Variants in NDRG1 observed in about 807,000 individuals in gnomAD.
NDRG1 encodes the protein protein NDRG1.
In NDRG1, 32 loss-of-function variants were observed where a neutral mutation model predicts 56.9. The observed-to-expected ratio is 0.56, with a 90% confidence interval of 0.42 to 0.76. NDRG1 has a LOEUF of 0.76. NDRG1 is among the 30% of genes least tolerant of loss of function. The pLI, the probability that NDRG1 is intolerant of heterozygous loss-of-function variation, is 0.00. For synonymous variants in NDRG1, 211 were observed against 204.1 expected, an observed-to-expected ratio of 1.03 and a Z score of -0.29; for missense variants, 507 against 545.7, an observed-to-expected ratio of 0.93 and a Z score of 0.71.
Position 133,258,442 on chromosome 8 carries a change from C to A in NDRG1, c.390-16G>T, listed in dbSNP as rs754606638. 6.2e-7 allele frequency: 1 copy of A among 1,605,090 alleles called. No homozygotes were observed. The highest frequency in any genetic ancestry group is 8.5e-7 in the Non-Finnish European group (1 of 1,175,402). ...GCTTTTCAGCCTGGAAGCAAAAATA[C>A]AAATGCATGTCACACAAGGACAGAG... On this transcript the variant is annotated splice_polypyrimidine_tract_variant and intron_variant, in intron 6 of 15. Transcript: ENST00000323851.
intron 9 of NDRG1, among the ~76,000 whole-genome samples, chr8:133,252,077 G>C (rs964116487): frequency 1.3e-5 from 2 of 152,182 alleles, no homozygotes; most frequent in Non-Finnish European, 2.9e-5. Flanking sequence ...AGAGCTGTGA[G>C]AGAATACACT....
intron 3 of NDRG1, among the ~76,000 whole-genome samples, chr8:133,265,296 G>C (rs1467053101): frequency 6.6e-6 from 1 of 152,230 alleles, no homozygotes; most frequent in Non-Finnish European, 1.5e-5. Flanking sequence ...TTGGGGAACT[G>C]GATCGGACTT....
At position 133,250,512 on chromosome 8, in the gene NDRG1, T is replaced by C. The variant is rs1279503368; in HGVS notation, c.626A>G (p.His209Arg). 1 of 1,613,976 alleles carries C rather than the reference T, an allele frequency of 6.2e-7. No individual in the cohort carries two copies. The highest frequency in any genetic ancestry group is 2.2e-5 in the East Asian group (1 of 44,874). The part of the protein sequence containing the change: ...EEMQSNVEVV[H>R]TYRQHIVNDM... ...ATTCACAATGTGCTGGCGGTAGGTG[T>C]GGACCACTTCCACGTTACTCTGCAT... is the stretch of plus-strand genomic sequence containing the variant. The change falls in exon 10 of 16, where the codon CAC (histidine) becomes CGC (arginine). Residue 209 changes from histidine (H) to arginine (R), a missense_variant. Physicochemically the swap from His to Arg is conservative, Grantham distance 29. Coordinates refer to ENST00000323851, the MANE Select transcript of NDRG1 (RefSeq NM_006096.4).
At chr8:133,245,034 T>G (rs935470691) in intron 13 of NDRG1, among the ~76,000 whole-genome samples, 1 of 151,908 alleles carries the variant, frequency 6.6e-6, no homozygotes, top group Non-Finnish European at 1.5e-5. Flanking sequence ...CTGGAGGAGT[T>G]CATGGGAGTG....
In NDRG1 at chr8:133,256,748, C is replaced by T. The variant is rs779284552; in HGVS notation, c.537+29G>A. On this transcript the variant is annotated intron_variant, in intron 8 of 15. Coordinates refer to ENST00000323851, the MANE Select transcript of NDRG1 (RefSeq NM_006096.4). Reference sequence around the variant, plus strand: ...CACCTGTCCCTCTTCTTGCAGGGATCCCGCCGGCCTGACAGGCCCCCACCT... The same window carrying T: ...CACCTGTCCCTCTTCTTGCAGGGATTCCGCCGGCCTGACAGGCCCCCACCT... The T allele has an allele frequency of 3.1e-6, 5 of 1,610,426 alleles. No homozygotes were observed. In the South Asian group the frequency reaches 5.5e-5, roughly 18 times the overall value.
At chr8:133,278,361 C>T (rs528090770) in intron 3 of NDRG1, among the ~76,000 whole-genome samples, 3 of 152,290 alleles carry the variant, frequency 2.0e-5, no homozygotes, top group South Asian at 2.1e-4. Flanking sequence ...GAGTGACTTC[C>T]CCCTTTCTCT....
chr8:133,239,553 G>A (rs994775726), intron 15 of NDRG1: 1 of 232,838 alleles, frequency 4.3e-6, no homozygotes, highest in Non-Finnish European at 8.7e-6. Flanking sequence ...CAGTGGCCCT[G>A]CACATCACAG....
chr8:133,291,935 G>A (rs1463826246), intron 1 of NDRG1, among the ~76,000 whole-genome samples: 2 of 152,158 alleles, frequency 1.3e-5, no homozygotes, highest in African/African-American at 4.8e-5. Flanking sequence ...CAGCAAGAGT[G>A]TCCCAAACAC....
chr8:133,279,568 G>A (rs563995795), intron 3 of NDRG1, among the ~76,000 whole-genome samples: 75 of 152,344 alleles, frequency 4.9e-4, no homozygotes, highest in Non-Finnish European at 7.3e-4. Flanking sequence ...GTCCAGGAGT[G>A]CGCCTCTCCT....
chr8:133,284,312 G>T lies in NDRG1; in HGVS notation c.-1C>A. Reference sequence around the variant, plus strand: ...CTACATCCTGCATCTCCCGAGACATGTCCCTGCTGTCACCTGCCTGCAAGG... The same window carrying T: ...CTACATCCTGCATCTCCCGAGACATTTCCCTGCTGTCACCTGCCTGCAAGG... On this transcript the variant is annotated 5_prime_UTR_variant, in exon 2 of 16. Coordinates refer to ENST00000323851, the MANE Select transcript of NDRG1 (RefSeq NM_006096.4). 1 of 1,614,086 alleles carries T rather than the reference G, an allele frequency of 6.2e-7. No individual in the cohort carries two copies. Among genetic ancestry groups the T allele is most frequent in the Non-Finnish European group, 8.5e-7 (1 of 1,180,034 alleles).
intron 7 of NDRG1, among the ~76,000 whole-genome samples, chr8:133,257,466 G>T (rs1041433247): frequency 1.3e-5 from 2 of 152,184 alleles, no homozygotes; most frequent in Non-Finnish European, 2.9e-5. Context: ...AGGCTGTATA[G>T]AACAGCCCTT....
At chr8:133,270,449 C>T (rs1386446311) in intron 3 of NDRG1, among the ~76,000 whole-genome samples, 1 of 152,212 alleles carries the variant, frequency 6.6e-6, no homozygotes, top group African/African-American at 2.4e-5. Context: ...CCCTTCCTTA[C>T]TCACCTCCCT....
intron 3 of NDRG1, among the ~76,000 whole-genome samples, chr8:133,274,467 G>C (rs1857353594): frequency 6.6e-6 from 1 of 152,234 alleles, no homozygotes; most frequent in Non-Finnish European, 1.5e-5. Context: ...AAGCGACTCA[G>C]ACTCCTTAGA....
rs980642396 is a variant in NDRG1, at chr8:133,237,713, CAA to C, written c.*1163_*1164del. On this transcript the variant is annotated 3_prime_UTR_variant, in exon 16 of 16. Coordinates refer to ENST00000323851, the MANE Select transcript of NDRG1 (RefSeq NM_006096.4). ...GTTCCCACCCCCACCCCGACAAGAG[CAA>C]AGAGTTCTGAGGATCCAAGAACGTG... 21 of 228,718 alleles carry C rather than the reference CAA, an allele frequency of 9.2e-5. No homozygotes were observed. The highest frequency in any genetic ancestry group is 4.7e-4 in the Admixed American group (8 of 17,204). 14.2% of individuals were successfully genotyped at this position (228,718 alleles called of 1,614,324 possible).
intron 10 of NDRG1, among the ~76,000 whole-genome samples, chr8:133,249,886 C>T (rs757953509): frequency 6.6e-6 from 1 of 152,234 alleles, no homozygotes; most frequent in Non-Finnish European, 1.5e-5. Flanking sequence ...GCAGGTTGAG[C>T]GAGCTCCCTG....
At chr8:133,287,195 T>C (rs1171846537) in intron 1 of NDRG1, among the ~76,000 whole-genome samples, 1 of 152,154 alleles carries the variant, frequency 6.6e-6, no homozygotes, top group Non-Finnish European at 1.5e-5. Flanking sequence ...TTTTAAAATT[T>C]AAAAAGCCAA....
At chr8:133,253,339 A>G (rs1856178510) in intron 9 of NDRG1, among the ~76,000 whole-genome samples, 1 of 152,260 alleles carries the variant, frequency 6.6e-6, no homozygotes, top group Non-Finnish European at 1.5e-5. Context: ...TGTGGTGACC[A>G]GAATGAAGCC....
intron 3 of NDRG1, among the ~76,000 whole-genome samples, chr8:133,279,709 C>G (rs920147493): frequency 2.6e-5 from 4 of 152,230 alleles, no homozygotes; most frequent in African/African-American, 9.6e-5. Flanking sequence ...AAGTTCTGAC[C>G]CAGCCCTCGG....
chr8:133,282,587 T>C (rs1335682246), intron 2 of NDRG1, among the ~76,000 whole-genome samples: 2 of 152,254 alleles, frequency 1.3e-5, no homozygotes, highest in African/African-American at 4.8e-5. Context: ...CAGAAGACTA[T>C]GTCACAGACC....
Sources: gnomAD v4.1 joint callset for allele counts (sites outside exome capture counted in the v4.1 genomes callset) on GRCh38, gnomAD v4.1.1 for gene constraint, MANE v1.5 for transcripts, NCBI Gene and HGNC (gene_info 2026-07-23, HGNC 2026-07-21) for gene names.